PSMA5: variants seen among roughly 807,000 people sequenced by gnomAD.
PSMA5 encodes proteasome subunit alpha type-5.
In PSMA5, 3 loss-of-function variants were observed where a neutral mutation model predicts 34.5. The observed-to-expected ratio is 0.09, with a 90% CI of 0.04 to 0.22. The LOEUF is 0.22. Ranked by LOEUF, PSMA5 falls within the 10% of genes least tolerant of loss-of-function variation. PSMA5 has a pLI of 1.00. For synonymous variants in PSMA5, 88 were observed against 95.8 expected (o/e 0.92, Z 0.47); for missense variants, 120 against 286.1 (o/e 0.42, Z 4.19).
At chr1:109,425,964 C>T in intron 1 of PSMA5, 1 of 413,718 alleles carries the variant, frequency 2.4e-6, no homozygotes, top group East Asian at 3.7e-5. Context: ...TCATACTAGG[C>T]ACGAAAAGAT....
intron 8 of PSMA5, among the ~76,000 whole-genome samples, chr1:109,409,005 A>G (rs1653893445): frequency 6.6e-6 from 1 of 151,750 alleles, no homozygotes; most frequent in African/African-American, 2.4e-5. Context: ...TTTTCTATAC[A>G]CTAGTTTCAT....
intron 8 of PSMA5, among the ~76,000 whole-genome samples, chr1:109,404,736 T>C (rs1276146197): frequency 6.6e-6 from 1 of 152,270 alleles, no homozygotes; most frequent in African/African-American, 2.4e-5. Context: ...ACAGATATTT[T>C]CTTTCAATTT....
intron 2 of PSMA5, among the ~76,000 whole-genome samples, chr1:109,421,199 AAAAC>A (rs1376452524): frequency 6.6e-6 from 1 of 152,052 alleles, no homozygotes; most frequent in Non-Finnish European, 1.5e-5. Flanking sequence ...AAAAACCACT[AAAAC>A]AAATCTCTTA....
intron 3 of PSMA5, among the ~76,000 whole-genome samples, chr1:109,413,534 G>A (rs10776807): frequency 0.65 from 99,317 of 152,022 alleles, 34,116 homozygotes; most frequent in East Asian, 0.96. Flanking sequence ...CTACAGTGGA[G>A]GACTCTCGAA....
Position 109,402,766 on chromosome 1 carries a change from C to T in PSMA5, c.649-676G>A, listed in dbSNP as rs1357277874. ...TGTTGTTCAGGCTGGAGTGCAATGG[C>T]GTGATCTAGGCTCACCGCAACCTCC... is the stretch of plus-strand genomic sequence containing the variant. On this transcript the variant is annotated intron_variant, in intron 8 of 8. Transcript: ENST00000271308. Among the ~76,000 whole-genome samples the T allele has an allele frequency of 2.6e-5, 4 of 152,172 alleles. No individual in the cohort carries two copies. In the South Asian group the frequency reaches 6.2e-4, roughly 24 times the overall value.
intron 1 of PSMA5, among the ~76,000 whole-genome samples, chr1:109,423,900 G>A (rs1654543708): frequency 6.6e-6 from 1 of 152,170 alleles, no homozygotes; most frequent in African/African-American, 2.4e-5. Context: ...ACAGCACACA[G>A]TTGCCTACAG....
At chr1:109,421,818 G>A (rs752934639) in intron 2 of PSMA5, 42 bp downstream of exon 2, 2 of 1,461,682 alleles carry the variant, frequency 1.4e-6, no homozygotes, top group Non-Finnish European at 1.9e-6. Context: ...AAAATGTTAG[G>A]TAGCCATGAA....
intron 1 of PSMA5, 71 bp downstream of exon 1, chr1:109,426,231 C>A: frequency 6.3e-7 from 1 of 1,592,304 alleles, no homozygotes; most frequent in South Asian, 1.1e-5. Context: ...ACGGCAGAAC[C>A]CAGGCCGCGC....
chr1:109,412,941 C>A, intron 4 of PSMA5, 127 bp downstream of exon 4: 1 of 753,420 alleles, frequency 1.3e-6, no homozygotes, highest in East Asian at 2.6e-5. Context: ...GGAATTCTAC[C>A]CAAAATTACT....
rs1254240703 is a variant in PSMA5 at position 109,401,456 on chromosome 1, TA to T, written c.*556del. The T allele has an allele frequency of 1.3e-5, 2 of 151,950 alleles. No individual in the cohort carries two copies. Among genetic ancestry groups the T allele is most frequent in the Non-Finnish European group, 2.9e-5 (2 of 67,984 alleles). The allele number at this position is 151,950 out of a possible 1,614,324, so 9.4% of individuals were successfully genotyped here. A position where few individuals can be genotyped will look rare whatever the true frequency, so the allele number is the denominator to read the frequency against. On this transcript the variant is annotated 3_prime_UTR_variant, in exon 9 of 9. Coordinates refer to ENST00000271308, the MANE Select transcript of PSMA5 (RefSeq NM_002790.4). ...AAATACACGTTTGCTCCAGAAATTA[TA>T]GGGCCGAAATGGATTTACAGTGCTG...
chr1:109,424,924 T>C (rs898521784), intron 1 of PSMA5, among the ~76,000 whole-genome samples: 3 of 151,862 alleles, frequency 2.0e-5, no homozygotes, highest in Non-Finnish European at 4.4e-5. Flanking sequence ...GAGGCGGAGG[T>C]TGCAGTGAGC....
At position 109,400,921 on chromosome 1, in the gene PSMA5, A is replaced by G. The variant is rs1234202796; in HGVS notation, c.*1092T>C. ...GTGCAAGTACTTTTCAAATCTCCAG[A>G]TTTCCCTATTACTCAAGAGCTGGTG... On this transcript the variant is annotated 3_prime_UTR_variant, in exon 9 of 9. Coordinates refer to ENST00000271308, the MANE Select transcript of PSMA5 (RefSeq NM_002790.4). 6.6e-6 allele frequency: 1 copy of G among 152,120 alleles called. No homozygotes were observed. Among genetic ancestry groups the G allele is most frequent in the African/African-American group, 2.4e-5 (1 of 41,434 alleles). 9.4% of individuals were successfully genotyped at this position (152,120 alleles called of 1,614,324 possible).
Position 109,418,925 on chromosome 1 carries a change from C to T in PSMA5, c.96+2935G>A, listed in dbSNP as rs535322843. Reference sequence around the variant, plus strand: ...ATCCCAGCAATTTGGGAGGGTGAGGCGGGCAGATCACCTGAGGTCAGGAGC... The same window carrying T: ...ATCCCAGCAATTTGGGAGGGTGAGGTGGGCAGATCACCTGAGGTCAGGAGC... On this transcript the variant is annotated intron_variant, in intron 2 of 8. Coordinates refer to ENST00000271308, the MANE Select transcript of PSMA5 (RefSeq NM_002790.4). Among the ~76,000 whole-genome samples the T allele has an allele frequency of 2.0e-4, 31 of 152,234 alleles. No individual in the cohort carries two copies. The East Asian group carries it at 4.4e-3, about 22-fold the overall frequency.
intron 8 of PSMA5, among the ~76,000 whole-genome samples, chr1:109,405,154 A>T (rs960265575): frequency 6.6e-6 from 1 of 152,224 alleles, no homozygotes; most frequent in Non-Finnish European, 1.5e-5. Flanking sequence ...GGGAGACAGT[A>T]CGTTAAAGTG....
chr1:109,404,787 T>G (rs1323623611), intron 8 of PSMA5, among the ~76,000 whole-genome samples: 1 of 152,242 alleles, frequency 6.6e-6, no homozygotes, highest in African/African-American at 2.4e-5. Flanking sequence ...GTGTATTAGT[T>G]ACATGTACTT....
intron 2 of PSMA5, among the ~76,000 whole-genome samples, chr1:109,416,322 C>A (rs539317668): frequency 1.3e-5 from 2 of 152,270 alleles, no homozygotes; most frequent in South Asian, 4.1e-4. Flanking sequence ...GCCTTCATAT[C>A]CTGATGCCAC....
rs552855417 is a variant in PSMA5, at chr1:109,426,395, C to T, written c.-65G>A. ...GAGGACCAACACGACTCCACCGGCA[C>T]CCAACTCACCGGCAGCCAACTCACC... On this transcript the variant is annotated 5_prime_UTR_variant, in exon 1 of 9. In the 5' UTR this introduces an upstream ATG that the reference lacks. Transcript: ENST00000271308. 526 of 1,595,732 alleles carry T rather than the reference C, an allele frequency of 3.3e-4. 5 individuals are homozygous for T. The highest frequency in any genetic ancestry group is 2.7e-3 in the South Asian group (242 of 90,708).
At chr1:109,407,900 C>A (rs1007805379) in intron 8 of PSMA5, among the ~76,000 whole-genome samples, 2 of 152,144 alleles carry the variant, frequency 1.3e-5, no homozygotes, top group East Asian at 3.8e-4. Context: ...CTGCCTTGGC[C>A]TCCCAAAGTG....
intron 2 of PSMA5, among the ~76,000 whole-genome samples, chr1:109,418,161 C>T (rs567805668): frequency 4.5e-4 from 68 of 152,228 alleles, no homozygotes; most frequent in Non-Finnish European, 8.5e-4. Context: ...CTGCAGTGAG[C>T]TGTGATCGTA....
Sources: gnomAD v4.1 joint callset for allele counts (sites outside exome capture counted in the v4.1 genomes callset) on GRCh38, gnomAD v4.1.1 for gene constraint, MANE v1.5 for transcripts, NCBI Gene and HGNC (gene_info 2026-07-23, HGNC 2026-07-21) for gene names.